CFAP20DC: variants seen among roughly 807,000 people sequenced by gnomAD.
The protein encoded by CFAP20DC is CFAP20 domain containing, also known as protein CFAP20DC.
A neutral mutation model predicts 101.7 loss-of-function variants in CFAP20DC; 84 were observed. The observed-to-expected ratio is 0.83, with a 90% confidence interval of 0.69 to 0.99. CFAP20DC has a LOEUF of 0.99. Among genes scored for constraint, CFAP20DC ranks in the 50% least tolerant of loss-of-function variants. CFAP20DC has a pLI of 0.00. For missense variants in CFAP20DC, 1,007 were observed against 970.3 expected (o/e 1.04, Z -0.50); for synonymous variants, 359 against 351.2 (o/e 1.02, Z -0.25).
chr3:58,753,137 C>T (rs1040290672), intron 16 of CFAP20DC, among the ~76,000 whole-genome samples: 4 of 152,212 alleles, frequency 2.6e-5, no homozygotes, highest in Non-Finnish European at 4.4e-5. Flanking sequence ...CTTTATGGCT[C>T]ATGCCAACCA....
At chr3:58,819,208 AC>A (rs1370433007) in intron 14 of CFAP20DC, among the ~76,000 whole-genome samples, 1 of 151,118 alleles carries the variant, frequency 6.6e-6, no homozygotes, top group South Asian at 2.1e-4. Context: ...CAAAATTGAC[AC>A]CCTAACATCA....
intron 13 of CFAP20DC, among the ~76,000 whole-genome samples, chr3:58,847,036 A>T (rs2077718328): frequency 8.6e-6 from 1 of 116,234 alleles, no homozygotes; most frequent in African/African-American, 3.6e-5. Context: ...AAAGACTTAA[A>T]CGTTAGACCT....
chr3:58,943,233 C>G (rs189153175), intron 4 of CFAP20DC, among the ~76,000 whole-genome samples: 6 of 152,314 alleles, frequency 3.9e-5, no homozygotes, highest in Admixed American at 3.3e-4. Context: ...TGCTAAGGGA[C>G]AGACGCCTCA....
At chr3:58,818,642 A>T in intron 14 of CFAP20DC, among the ~76,000 whole-genome samples, 1 of 141,660 alleles carries the variant, frequency 7.1e-6, no homozygotes, top group African/African-American at 2.7e-5. Context: ...TTCATAAAGC[A>T]AGTCCTGAGT....
At chr3:58,958,619 C>G (rs1470615968) in intron 4 of CFAP20DC, among the ~76,000 whole-genome samples, 1 of 152,148 alleles carries the variant, frequency 6.6e-6, no homozygotes, top group East Asian at 1.9e-4. Context: ...CTCACCAACA[C>G]CTGATATTAT....
intron 15 of CFAP20DC, among the ~76,000 whole-genome samples, chr3:58,794,730 C>G (rs1055920649): frequency 6.6e-6 from 1 of 152,214 alleles, no homozygotes; most frequent in African/African-American, 2.4e-5. Flanking sequence ...GATGCTCCAA[C>G]TCTCTTTGGC....
At position 58,814,288 on chromosome 3, in the gene CFAP20DC, T is replaced by G. The variant is rs368178143; in HGVS notation, c.2176-7832A>C. ...AAGTGGTTACAGAATCCTATCTTGT[T>G]AGTGACTCAGCCCCTCCTTGCTTTA... On this transcript the variant is annotated intron_variant, in intron 14 of 16. Coordinates refer to ENST00000482387, the MANE Select transcript of CFAP20DC (RefSeq NM_001394063.1). Among the ~76,000 whole-genome samples the G allele has an allele frequency of 2.5e-4, 38 of 152,026 alleles. No individual in the cohort carries two copies. In the South Asian group the frequency reaches 7.9e-3, roughly 32 times the overall value.
chr3:58,750,973 T>C (rs894541705), intron 16 of CFAP20DC, among the ~76,000 whole-genome samples: 10 of 152,022 alleles, frequency 6.6e-5, no homozygotes, highest in African/African-American at 2.4e-4. Context: ...ACCAAAAAAA[T>C]TGGAATGGGG....
At chr3:58,808,185 T>C (rs1211816687) in intron 14 of CFAP20DC, among the ~76,000 whole-genome samples, 12 of 152,050 alleles carry the variant, frequency 7.9e-5, no homozygotes, top group Non-Finnish European at 8.8e-5. Flanking sequence ...CAAGGCAGGC[T>C]AACATTCAGA....
chr3:58,941,254 G>A (rs1016920546), intron 4 of CFAP20DC, among the ~76,000 whole-genome samples: 24 of 149,648 alleles, frequency 1.6e-4, no homozygotes, highest in African/African-American at 5.0e-4. Flanking sequence ...GCTTGAACCC[G>A]GGAGGTGGAG....
intron 15 of CFAP20DC, among the ~76,000 whole-genome samples, chr3:58,772,920 A>G (rs2070984619): frequency 6.6e-6 from 1 of 152,182 alleles, no homozygotes; most frequent in Admixed American, 6.5e-5. Flanking sequence ...GTTAACCATA[A>G]TCACATCTGG....
chr3:58,890,817 T>G (rs2082161212), intron 6 of CFAP20DC, among the ~76,000 whole-genome samples: 1 of 143,942 alleles, frequency 6.9e-6, no homozygotes, highest in African/African-American at 2.7e-5. Flanking sequence ...TCCCCACATC[T>G]CAGACGATGG....
At chr3:59,011,397 C>CA (rs371802860) in intron 4 of CFAP20DC, among the ~76,000 whole-genome samples, 30,126 of 114,576 alleles carry the variant, frequency 0.26, 3,644 homozygotes, top group African/African-American at 0.36. Flanking sequence ...GGCTCCATCT[C>CA]AAAAAAAAAA....
chr3:58,936,766 G>T (rs909924367), intron 5 of CFAP20DC, among the ~76,000 whole-genome samples: 5 of 152,074 alleles, frequency 3.3e-5, no homozygotes, highest in African/African-American at 1.2e-4. Flanking sequence ...ACACTCTGGG[G>T]ACTGTTGTGG....
chr3:58,785,053 G>C (rs562370955), intron 15 of CFAP20DC, among the ~76,000 whole-genome samples: 56 of 152,182 alleles, frequency 3.7e-4, no homozygotes, highest in African/African-American at 1.2e-3. Flanking sequence ...CGAATGAATG[G>C]ATAAAGAAAA....
At chr3:58,965,448 C>CT (rs1205753909) in intron 4 of CFAP20DC, among the ~76,000 whole-genome samples, 1 of 151,890 alleles carries the variant, frequency 6.6e-6, no homozygotes, top group Admixed American at 6.6e-5. Context: ...CTCAATAAAT[C>CT]TTTTTTTTAA....
intron 16 of CFAP20DC, among the ~76,000 whole-genome samples, chr3:58,751,549 C>T (rs2068575807): frequency 6.6e-6 from 1 of 152,108 alleles, no homozygotes; most frequent in Non-Finnish European, 1.5e-5. Flanking sequence ...AGGTATCTCT[C>T]TCTTTTTTAA....
At position 58,868,857 on chromosome 3, in the gene CFAP20DC, T is replaced by C. The variant is rs1302092172; in HGVS notation, c.1015+471A>G. On this transcript the variant is annotated intron_variant, in intron 9 of 16. Transcript: ENST00000482387. This position sits in a 1 kb window ranked among gnomAD's most constrained non-coding sequence, Gnocchi z 4.6. Reference sequence around the variant, plus strand: ...AAAGGTTACAAACTGCAAATCACTTTACCTCTTTGCTTGACTTTAAATCTC... The same window carrying C: ...AAAGGTTACAAACTGCAAATCACTTCACCTCTTTGCTTGACTTTAAATCTC... Among the ~76,000 whole-genome samples the C allele has an allele frequency of 6.6e-6, 1 of 152,224 alleles. No homozygotes were observed. The highest frequency in any genetic ancestry group is 1.5e-5 in the Non-Finnish European group (1 of 68,024).
At position 58,799,504 on chromosome 3, in the gene CFAP20DC, T is replaced by G. The variant is rs374667467; in HGVS notation, c.2237+6891A>C. ...GTGGAATACACAGTGACGTAGCTAG[T>G]GTAGAGAGATGAGGGAAGTTCATTT... is the stretch of plus-strand genomic sequence containing the variant. On this transcript the variant is annotated intron_variant, in intron 15 of 16. Coordinates refer to ENST00000482387, the MANE Select transcript of CFAP20DC (RefSeq NM_001394063.1). The surrounding 1 kb of genome is among the most constrained non-coding windows in gnomAD (Gnocchi z 4.9). 5.9e-5 allele frequency among the ~76,000 whole-genome samples: 9 copies of G among 152,102 alleles called. No homozygotes were observed. Among genetic ancestry groups the G allele is most frequent in the African/African-American group, 1.9e-4 (8 of 41,414 alleles).
Sources: allele counts gnomAD v4.1 joint callset (sites outside exome capture counted in the v4.1 genomes callset), GRCh38; gene constraint gnomAD v4.1.1; non-coding constraint Gnocchi (gnomAD v3.1); transcripts MANE v1.5; gene names NCBI Gene and HGNC (gene_info 2026-07-23, HGNC 2026-07-21).